Variants in TICAM2 observed in about 807,000 individuals in gnomAD.
TICAM2 encodes TIR domain-containing adapter molecule 2.
Under a neutral mutation model 7.3 loss-of-function variants are expected in TICAM2, and 8 were observed. The observed-to-expected ratio is 1.10, with a 90% confidence interval of 0.65 to 1.99. The LOEUF is 1.99. Among genes scored for constraint, TICAM2 ranks in the 30% most tolerant of loss-of-function variants. The probability of loss-of-function intolerance (pLI) is 0.00; values close to 1 mark genes in which losing one functional copy is unlikely to be tolerated. For synonymous variants in TICAM2, 113 were observed against 99.6 expected (o/e 1.13, Z -0.80); for missense variants, 304 against 278.8 (o/e 1.09, Z -0.65).
In TICAM2 at chr5:115,580,814, C is replaced by G. The variant is rs765242544; in HGVS notation, c.443G>C (p.Trp148Ser). The G allele has an allele frequency of 2.5e-6, 4 of 1,601,364 alleles. No individual in the cohort carries two copies. In the South Asian group the frequency reaches 4.5e-5, roughly 18 times the overall value. Reference protein sequence around the residue: ...LLTENFLRDTWCNFQFYTSLM... With the variant: ...LLTENFLRDTSCNFQFYTSLM... ...GGACGTATAGAACTGGAAATTACAC[C>G]AAGTATCTCTTAAAAAGTTTTCAGT... Residue 148 changes from tryptophan to serine, a missense_variant, in exon 2 of 2, where the codon TGG becomes TCG. Trp to Ser is a radical substitution (Grantham distance 177, BLOSUM62 -3). Coordinates refer to ENST00000427199, the MANE Select transcript of TICAM2 (RefSeq NM_021649.7).
chr5:115,581,179 A>C lies in TICAM2; in HGVS notation c.78T>G (p.Ser26Arg). Residue 26 changes from serine to arginine, a missense_variant, in exon 2 of 2, where the codon AGT becomes AGG. Ser to Arg is a moderately radical substitution (Grantham distance 110). Coordinates refer to ENST00000427199, the MANE Select transcript of TICAM2 (RefSeq NM_021649.7). ...SWGKRHSVDT[S>R]PGYHESDSKK... ...TGGAATCTGACTCATGATATCCTGGACTTGTATCCACACTGTGCCTTTTAC... is the reference window on the plus strand; with the variant it reads ...TGGAATCTGACTCATGATATCCTGGCCTTGTATCCACACTGTGCCTTTTAC... 1.9e-6 allele frequency: 3 copies of C among 1,613,706 alleles called. No individual in the cohort carries two copies. The highest frequency in any genetic ancestry group is 3.3e-4 in the Middle Eastern group (2 of 6,060).
intron 1 of TICAM2, among the ~76,000 whole-genome samples, chr5:115,595,844 T>C (rs1474420451): frequency 6.6e-6 from 1 of 152,224 alleles, no homozygotes; most frequent in African/African-American, 2.4e-5. Context: ...CTCCTCTTTA[T>C]GATTCAAGAC....
chr5:115,581,371 T>C, intron 1 of TICAM2, 56 bp from the exon 2 acceptor site: 1 of 1,505,384 alleles, frequency 6.6e-7, no homozygotes, highest in South Asian at 1.2e-5. Context: ...ACATTAAAAA[T>C]GGAAACTTTC....
intron 1 of TICAM2, among the ~76,000 whole-genome samples, chr5:115,583,730 C>T (rs1017601761): frequency 7.2e-5 from 11 of 152,222 alleles, no homozygotes; most frequent in South Asian, 2.1e-4. Flanking sequence ...TGAGAGGACA[C>T]GACTGTGCTT....
At chr5:115,593,404 A>G (rs1225084458) in intron 1 of TICAM2, among the ~76,000 whole-genome samples, 3 of 88,856 alleles carry the variant, frequency 3.4e-5, no homozygotes, top group African/African-American at 7.8e-5. Context: ...AGATAAAATT[A>G]CAAAAAAAAT....
chr5:115,589,204 A>C (rs904683549), intron 1 of TICAM2, among the ~76,000 whole-genome samples: 1 of 152,198 alleles, frequency 6.6e-6, no homozygotes, highest in African/African-American at 2.4e-5. Flanking sequence ...ATGGCCCATA[A>C]AGCCTACAAT....
rs1399353786 is a variant in TICAM2 at position 115,580,603 on chromosome 5, T to C, written c.654A>G (p.Gln218=). ...TTCTTGTCTCTTTCCATATAGTTTGTTGTGTCTTATACACAGACTCCTGAA... is the reference window on the plus strand; with the variant it reads ...TTCTTGTCTCTTTCCATATAGTTTGCTGTGTCTTATACACAGACTCCTGAA... ...RIFQESVYKT[Q]QTIWKETRNM... Residue 218 remains glutamine, a synonymous_variant, in exon 2 of 2, where the codon CAA becomes CAG. Coordinates refer to ENST00000427199, the MANE Select transcript of TICAM2 (RefSeq NM_021649.7). 6.2e-7 allele frequency: 1 copy of C among 1,600,620 alleles called. No homozygotes were observed. The highest frequency in any genetic ancestry group is 8.5e-7 in the Non-Finnish European group (1 of 1,176,124).
intron 1 of TICAM2, among the ~76,000 whole-genome samples, chr5:115,582,336 TG>T (rs200063934): frequency 1.4e-5 from 2 of 147,046 alleles, no homozygotes; most frequent in Middle Eastern, 3.4e-3. Context: ...TTTTTTTTTT[TG>T]GTTTTTTTTT....
Position 115,580,138 on chromosome 5 carries a change from G to A in TICAM2, c.*411C>T, listed in dbSNP as rs996509660. On this transcript the variant is annotated 3_prime_UTR_variant, in exon 2 of 2. Transcript: ENST00000427199. ...TGCAACATCCATGAGAGGTGCCTCA[G>A]GAGGAAGTGTGATCAGATCTCCTGG... 6.3e-6 allele frequency: 1 copy of A among 159,490 alleles called. No individual in the cohort carries two copies. The highest frequency in any genetic ancestry group is 2.4e-5 in the African/African-American group (1 of 41,654). The allele number at this position is 159,490 out of a possible 1,614,324, so 9.9% of individuals were successfully genotyped here. A position where few individuals can be genotyped will look rare whatever the true frequency, so the allele number is the denominator to read the frequency against.
intron 1 of TICAM2, among the ~76,000 whole-genome samples, chr5:115,598,149 A>G (rs1307107330): frequency 1.3e-5 from 2 of 152,176 alleles, no homozygotes. Context: ...ATAAATATCA[A>G]TTAGGTCAAT....
intron 1 of TICAM2, among the ~76,000 whole-genome samples, chr5:115,595,355 C>G (rs1453962218): frequency 6.6e-6 from 1 of 152,186 alleles, no homozygotes; most frequent in Non-Finnish European, 1.5e-5. Flanking sequence ...CTCCCCACAA[C>G]TCCACCCACT....
At chr5:115,586,430 A>C (rs1432925990) in intron 1 of TICAM2, among the ~76,000 whole-genome samples, 1 of 151,860 alleles carries the variant, frequency 6.6e-6, no homozygotes, top group African/African-American at 2.4e-5. Context: ...AAAAAAAAAA[A>C]AAAAACAGAA....
chr5:115,596,168 A>G (rs926661630), intron 1 of TICAM2, among the ~76,000 whole-genome samples: 1 of 152,066 alleles, frequency 6.6e-6, no homozygotes, highest in African/African-American at 2.4e-5. Flanking sequence ...ATAATCTCAA[A>G]TTGTTTCAAG....
At position 115,580,318 on chromosome 5, in the gene TICAM2, T is replaced by C. The variant is rs991491976; in HGVS notation, c.*231A>G. The stretch of plus-strand genomic sequence containing the variant: ...TTTTCATATCCATGAACTAGGAAAA[T>C]TGTGAAAGAAAAGTCCTTGAAACTC... On this transcript the variant is annotated 3_prime_UTR_variant, in exon 2 of 2. Transcript: ENST00000427199. The C allele has an allele frequency of 4.0e-6, 2 of 496,066 alleles. No homozygotes were observed. Among genetic ancestry groups the C allele is most frequent in the East Asian group, 3.9e-5 (1 of 25,836 alleles). The allele number at this position is 496,066 out of a possible 1,614,324, so 30.7% of individuals were successfully genotyped here. A position where few individuals can be genotyped will look rare whatever the true frequency, so the allele number is the denominator to read the frequency against.
chr5:115,590,214 G>A (rs1282656246), intron 1 of TICAM2, among the ~76,000 whole-genome samples: 5 of 152,070 alleles, frequency 3.3e-5, no homozygotes, highest in Non-Finnish European at 7.4e-5. Context: ...AATTTAAAAA[G>A]AATGAGGATC....
chr5:115,598,447 C>T (rs1755594022), intron 1 of TICAM2, among the ~76,000 whole-genome samples: 1 of 152,192 alleles, frequency 6.6e-6, no homozygotes, highest in Non-Finnish European at 1.5e-5. Context: ...GTACCTAAAA[C>T]AGGTCCTTGA....
chr5:115,593,158 A>G (rs1755374268), intron 1 of TICAM2, among the ~76,000 whole-genome samples: 1 of 152,204 alleles, frequency 6.6e-6, no homozygotes, highest in Admixed American at 6.5e-5. Flanking sequence ...TTTAAAACAA[A>G]AATCAATGTA....
chr5:115,583,954 C>A (rs1200529936), intron 1 of TICAM2, among the ~76,000 whole-genome samples: 1 of 152,042 alleles, frequency 6.6e-6, no homozygotes, highest in Non-Finnish European at 1.5e-5. Flanking sequence ...AGTGAGGGTG[C>A]CACTTGGGAG....
rs990150788 is a variant in TICAM2 at position 115,578,797 on chromosome 5, T to A, written c.*1752A>T. 1.3e-5 allele frequency: 2 copies of A among 152,106 alleles called. No individual in the cohort carries two copies. The highest frequency in any genetic ancestry group is 2.9e-5 in the Non-Finnish European group (2 of 68,020). 9.4% of individuals were successfully genotyped at this position (152,106 alleles called of 1,614,324 possible). The stretch of plus-strand genomic sequence containing the variant: ...ATGGCAAAAAAATGAATACTTATTA[T>A]GAAAACTGAAAAAGAGAAGTGAGTA... On this transcript the variant is annotated 3_prime_UTR_variant, in exon 2 of 2. Transcript: ENST00000427199.
Sources: gnomAD v4.1 joint callset for allele counts (sites outside exome capture counted in the v4.1 genomes callset) on GRCh38, gnomAD v4.1.1 for gene constraint, MANE v1.5 for transcripts, NCBI Gene and HGNC (gene_info 2026-07-23, HGNC 2026-07-21) for gene names.